The following NDST3 variants were observed in gnomAD, a reference collection of about 807,000 sequenced individuals.
The protein encoded by NDST3 is bifunctional heparan sulfate N-deacetylase/N-sulfotransferase 3.
In NDST3, 58 loss-of-function variants were observed where a neutral mutation model predicts 96.1. The ratio of observed to expected loss-of-function variants is 0.60; its 90% CI spans 0.49 to 0.75. NDST3 has a LOEUF of 0.75. Ranked by LOEUF, NDST3 falls within the 30% of genes least tolerant of loss-of-function variation. The probability of loss-of-function intolerance (pLI) is 0.00; values close to 1 mark genes in which losing one functional copy is unlikely to be tolerated. For synonymous variants in NDST3, 333 were observed against 359.7 expected, an observed-to-expected ratio of 0.93 and a Z score of 0.84; for missense variants, 788 against 1,034.2, an observed-to-expected ratio of 0.76 and a Z score of 3.27.
At chr4:118,105,806 G>A (rs1465160634) in intron 3 of NDST3, among the ~76,000 whole-genome samples, 2 of 152,056 alleles carry the variant, frequency 1.3e-5, no homozygotes, top group African/African-American at 2.4e-5. Flanking sequence ...CAGAGGACTT[G>A]AGTATTCTTT....
At chr4:118,202,015 T>C (rs1738121160) in intron 6 of NDST3, among the ~76,000 whole-genome samples, 2 of 152,222 alleles carry the variant, frequency 1.3e-5, no homozygotes, top group African/African-American at 4.8e-5. Flanking sequence ...GCTAACTAGT[T>C]ATCTCAGCAA....
intron 6 of NDST3, among the ~76,000 whole-genome samples, chr4:118,191,603 G>A (rs1737309879): frequency 6.6e-6 from 1 of 152,164 alleles, no homozygotes; most frequent in Non-Finnish European, 1.5e-5. Context: ...TGGGTATATA[G>A]TAGGTGTATA....
intron 6 of NDST3, among the ~76,000 whole-genome samples, chr4:118,170,252 T>G (rs1735846744): frequency 6.6e-6 from 1 of 152,232 alleles, no homozygotes; most frequent in Admixed American, 6.5e-5. Context: ...AAATCTGGAC[T>G]GTATAATAGA....
chr4:118,169,568 C>T (rs557842135), intron 6 of NDST3, among the ~76,000 whole-genome samples: 31 of 152,040 alleles, frequency 2.0e-4, no homozygotes, highest in South Asian at 1.7e-3. Flanking sequence ...CTGAGGCAGG[C>T]GGATCACCTG....
At chr4:118,162,278 A>G (rs1284623149) in intron 6 of NDST3, among the ~76,000 whole-genome samples, 2 of 152,186 alleles carry the variant, frequency 1.3e-5, no homozygotes. Flanking sequence ...ACCAAAAAAG[A>G]GCCCTCATTG....
At chr4:118,077,699 A>G (rs771827756) in intron 2 of NDST3, among the ~76,000 whole-genome samples, 51 of 152,176 alleles carry the variant, frequency 3.4e-4, no homozygotes, top group Admixed American at 5.2e-4. Flanking sequence ...TCTCTCAGTG[A>G]TCCAAGAGTG....
intron 4 of NDST3, among the ~76,000 whole-genome samples, chr4:118,116,653 C>G (rs1394898709): frequency 6.6e-6 from 1 of 151,984 alleles, no homozygotes; most frequent in African/African-American, 2.4e-5. Flanking sequence ...GTCAGGAGAT[C>G]GAGACCATCC....
At chr4:118,196,430 AT>A (rs929049754) in intron 6 of NDST3, among the ~76,000 whole-genome samples, 2 of 152,080 alleles carry the variant, frequency 1.3e-5, no homozygotes, top group African/African-American at 4.8e-5. Context: ...GCTATTAGTT[AT>A]TTTTTAAATG....
intron 6 of NDST3, among the ~76,000 whole-genome samples, chr4:118,215,499 T>G (rs1374842260): frequency 6.6e-6 from 1 of 152,016 alleles, no homozygotes; most frequent in Non-Finnish European, 1.5e-5. Context: ...AGGAGTAAAG[T>G]CAGCACCTGA....
At chr4:118,148,797 G>A (rs982912511) in intron 6 of NDST3, among the ~76,000 whole-genome samples, 2 of 151,836 alleles carry the variant, frequency 1.3e-5, no homozygotes, top group Admixed American at 1.3e-4. Context: ...TTTTTTGTTC[G>A]CTAGTTCTGG....
At chr4:118,123,922 C>A (rs1294686683) in intron 4 of NDST3, among the ~76,000 whole-genome samples, 1 of 152,102 alleles carries the variant, frequency 6.6e-6, no homozygotes, top group Non-Finnish European at 1.5e-5. Flanking sequence ...CCTTTTATAG[C>A]CCTTTTTCAG....
intron 6 of NDST3, among the ~76,000 whole-genome samples, chr4:118,186,175 T>C (rs926664327): frequency 2.6e-4 from 39 of 152,284 alleles, no homozygotes; most frequent in African/African-American, 9.1e-4. Flanking sequence ...AGTTTGATTG[T>C]GTCATATTTA....
chr4:118,114,329 A>T (rs1164625455), intron 3 of NDST3, among the ~76,000 whole-genome samples: 1 of 152,196 alleles, frequency 6.6e-6, no homozygotes, highest in Non-Finnish European at 1.5e-5. Context: ...TTCACCAAAT[A>T]CTGAGTAACT....
chr4:118,149,587 A>T (rs1454351297), intron 6 of NDST3, among the ~76,000 whole-genome samples: 3 of 149,702 alleles, frequency 2.0e-5, no homozygotes, highest in Non-Finnish European at 4.5e-5. Context: ...AATGCTTGTG[A>T]TTTTTGTACA....
intron 2 of NDST3, among the ~76,000 whole-genome samples, chr4:118,062,518 G>A (rs1208531585): frequency 3.3e-5 from 5 of 151,740 alleles, no homozygotes; most frequent in Non-Finnish European, 2.9e-5. Flanking sequence ...TTGATATAAC[G>A]TGATCATATT....
chr4:118,057,736 C>T (rs1372966576), intron 2 of NDST3, among the ~76,000 whole-genome samples: 7 of 151,900 alleles, frequency 4.6e-5, no homozygotes, highest in Admixed American at 3.9e-4. Flanking sequence ...TGATAGAGAC[C>T]GAAGCCCATT....
At chr4:118,214,562 C>A (rs1263693729) in intron 6 of NDST3, among the ~76,000 whole-genome samples, 2 of 152,052 alleles carry the variant, frequency 1.3e-5, no homozygotes, top group Admixed American at 6.6e-5. Context: ...AAATTATACA[C>A]ATGACTCACA....
rs1458178742 is a variant in NDST3, at chr4:118,226,960, G to A, written c.1797G>A (p.Leu599=). Residue 599 remains leucine, a synonymous_variant, in exon 8 of 14, where the codon TTG becomes TTA. Coordinates refer to ENST00000296499, the MANE Select transcript of NDST3 (RefSeq NM_004784.3). ...CTTGTGATCGCTTACCAAAATTCTTGGTAATAGGACCCCAGAAAACTGGTG... is the reference window on the plus strand; with the variant it reads ...CTTGTGATCGCTTACCAAAATTCTTAGTAATAGGACCCCAGAAAACTGGTG... ...EKTCDRLPKF[L]VIGPQKTGTT... 6.2e-7 allele frequency: 1 copy of A among 1,612,742 alleles called. No homozygotes were observed. The highest frequency in any genetic ancestry group is 1.3e-5 in the African/African-American group (1 of 74,814).
intron 12 of NDST3, among the ~76,000 whole-genome samples, chr4:118,245,787 A>ATC (rs1163568096): frequency 1.3e-5 from 2 of 152,088 alleles, no homozygotes; most frequent in Non-Finnish European, 1.5e-5. Context: ...TGTCCTATAT[A>ATC]TCTCTCTCTC....
Sources: gnomAD v4.1 joint callset for allele counts (sites outside exome capture counted in the v4.1 genomes callset) on GRCh38, gnomAD v4.1.1 for gene constraint, MANE v1.5 for transcripts, NCBI Gene and HGNC (gene_info 2026-07-23, HGNC 2026-07-21) for gene names.